Variants in TENM3 observed in about 807,000 individuals in gnomAD.
TENM3 encodes the protein teneurin transmembrane protein 3.
In TENM3, 63 loss-of-function variants were observed where a neutral mutation model predicts 255.1. That is an observed-to-expected ratio of 0.25 (90% confidence interval 0.20 to 0.30). The LOEUF is 0.30. Among genes scored for constraint, TENM3 ranks in the 10% least tolerant of loss-of-function variants. TENM3 has a pLI of 1.00. For synonymous variants in TENM3, 1,306 were observed against 1,322.3 expected (o/e 0.99, Z 0.27); for missense variants, 2,929 against 3,461.1 (o/e 0.85, Z 3.86).
the TENM3 span, among the ~76,000 whole-genome samples, chr4:182,132,107 C>T: frequency 6.6e-6 from 1 of 152,152 alleles, no homozygotes; most frequent in Non-Finnish European, 1.5e-5. Context: ...TTCTGTAAGT[C>T]TAGCCTTCAA....
the TENM3 span, among the ~76,000 whole-genome samples, chr4:182,055,060 T>A: frequency 6.6e-6 from 1 of 152,172 alleles, no homozygotes; most frequent in African/African-American, 2.4e-5. Context: ...TCTCTATGGA[T>A]GCTCAACCAG....
At chr4:182,472,719 A>G (rs937257437) in intron 3 of TENM3, among the ~76,000 whole-genome samples, 1 of 137,770 alleles carries the variant, frequency 7.3e-6, no homozygotes, top group Middle Eastern at 3.6e-3. Flanking sequence ...ATAAATTGTT[A>G]TATCACAATT....
chr4:181,566,449 CTTGA>C, the TENM3 span, among the ~76,000 whole-genome samples: 4 of 152,168 alleles, frequency 2.6e-5, no homozygotes, highest in Admixed American at 2.6e-4. Context: ...TTCTATTCTG[CTTGA>C]TTGAAGAGCT....
At chr4:181,514,369 G>T in the TENM3 span, among the ~76,000 whole-genome samples, 5 of 152,274 alleles carry the variant, frequency 3.3e-5, no homozygotes, top group South Asian at 4.1e-4. Flanking sequence ...GTGGAGGAAA[G>T]GTTGTCATAT....
chr4:181,570,867 C>T, the TENM3 span, among the ~76,000 whole-genome samples: 1,271 of 152,244 alleles, frequency 8.3e-3, 13 homozygotes, highest in African/African-American at 0.029. Flanking sequence ...GTGGTGAAAG[C>T]GCTCAAGCCT....
intron 1 of TENM3, among the ~76,000 whole-genome samples, chr4:182,155,678 T>A (rs887307367): frequency 6.6e-6 from 1 of 152,094 alleles, no homozygotes; most frequent in Non-Finnish European, 1.5e-5. Context: ...TTTTATGAGA[T>A]TTTTAGAAGA....
At chr4:182,076,481 C>T in the TENM3 span, among the ~76,000 whole-genome samples, 4 of 152,116 alleles carry the variant, frequency 2.6e-5, no homozygotes, top group African/African-American at 7.2e-5. Flanking sequence ...GGATTACAGG[C>T]GTGAGCCGCC....
the TENM3 span, among the ~76,000 whole-genome samples, chr4:181,944,234 C>T: frequency 6.6e-6 from 1 of 150,962 alleles, no homozygotes; most frequent in African/African-American, 2.4e-5. Context: ...GGTGCAATCC[C>T]GTCTGAGTCT....
the TENM3 span, among the ~76,000 whole-genome samples, chr4:182,003,377 A>T: frequency 3.3e-5 from 5 of 152,098 alleles, 1 homozygote; most frequent in South Asian, 4.1e-4. Flanking sequence ...GACCCAATAC[A>T]AAGGTTTGGA....
chr4:182,050,332 T>C, the TENM3 span, among the ~76,000 whole-genome samples: 1 of 152,154 alleles, frequency 6.6e-6, no homozygotes, highest in African/African-American at 2.4e-5. Flanking sequence ...TATCCCTTGT[T>C]GGAATACAAA....
chr4:181,632,135 A>G, the TENM3 span, among the ~76,000 whole-genome samples: 5 of 152,200 alleles, frequency 3.3e-5, no homozygotes, highest in Non-Finnish European at 5.9e-5. Context: ...TAATTGACTC[A>G]CAGTTCTACA....
the TENM3 span, among the ~76,000 whole-genome samples, chr4:181,468,132 C>CCAAAA: frequency 3.8e-4 from 50 of 130,726 alleles, 11 homozygotes; most frequent in Non-Finnish European, 4.3e-4. Context: ...CCCATCTGTA[C>CCAAAA]AAAAAAAAAA....
At chr4:182,577,423 A>T (rs575263089) in intron 3 of TENM3, among the ~76,000 whole-genome samples, 3 of 152,324 alleles carry the variant, frequency 2.0e-5, no homozygotes, top group South Asian at 2.1e-4. Context: ...GAATAAATGA[A>T]GGCAAGAATT....
At chr4:182,585,119 C>T (rs113646955) in intron 3 of TENM3, among the ~76,000 whole-genome samples, 2,908 of 152,282 alleles carry the variant, frequency 0.019, 45 homozygotes, top group Admixed American at 0.03. Context: ...AAATTAACTC[C>T]TTCCACTAAA....
chr4:181,965,625 A>G, the TENM3 span, among the ~76,000 whole-genome samples: 2 of 152,158 alleles, frequency 1.3e-5, no homozygotes, highest in African/African-American at 4.8e-5. Flanking sequence ...CGTTCAGTCC[A>G]TCTGGAAATT....
chr4:182,664,310 G>A (rs1217569502), intron 6 of TENM3, among the ~76,000 whole-genome samples: 1 of 152,160 alleles, frequency 6.6e-6, no homozygotes, highest in African/African-American at 2.4e-5. Context: ...GACCTTTGAT[G>A]TTGCTCTTAT....
At chr4:182,550,869 G>T (rs887420411) in intron 3 of TENM3, among the ~76,000 whole-genome samples, 1 of 152,124 alleles carries the variant, frequency 6.6e-6, no homozygotes, top group Admixed American at 6.5e-5. Context: ...TCTACCAAAG[G>T]GGCTAAGCAG....
chr4:182,481,613 G>A (rs913923928), intron 3 of TENM3, among the ~76,000 whole-genome samples: 15 of 135,960 alleles, frequency 1.1e-4, no homozygotes, highest in Non-Finnish European at 1.7e-4. Flanking sequence ...TGAGCAACAC[G>A]GTGAAACCCC....
chr4:182,516,528 C>T (rs190677365), intron 3 of TENM3, among the ~76,000 whole-genome samples: 330 of 152,080 alleles, frequency 2.2e-3, no homozygotes, highest in Admixed American at 4.2e-3. Flanking sequence ...AAAGTTATTA[C>T]GAATTTTTTT....
Sources: gnomAD v4.1 joint callset for allele counts (sites outside exome capture counted in the v4.1 genomes callset) on GRCh38, gnomAD v4.1.1 for gene constraint, MANE v1.5 for transcripts, NCBI Gene and HGNC (gene_info 2026-07-23, HGNC 2026-07-21) for gene names.